CNTNAP2: variants seen among roughly 807,000 people sequenced by gnomAD.
CNTNAP2 encodes the protein contactin associated protein 2.
Under a neutral mutation model 155.2 loss-of-function variants are expected in CNTNAP2, and 98 were observed. The observed-to-expected ratio is 0.63, with a 90% CI of 0.54 to 0.75. CNTNAP2 has a LOEUF of 0.75. Ranked by LOEUF, CNTNAP2 falls within the 30% of genes least tolerant of loss-of-function variation. The pLI, the probability that CNTNAP2 is intolerant of heterozygous loss-of-function variation, is 0.00. For missense variants in CNTNAP2, 1,727 were observed against 1,688.1 expected, an observed-to-expected ratio of 1.02 and a Z score of -0.40; for synonymous variants, 651 against 631.2, an observed-to-expected ratio of 1.03 and a Z score of -0.47.
At chr7:147,933,737 C>T (rs1396958702) in intron 14 of CNTNAP2, among the ~76,000 whole-genome samples, 1 of 152,054 alleles carries the variant, frequency 6.6e-6, no homozygotes, top group Admixed American at 6.5e-5. Flanking sequence ...GTGGTGGGTG[C>T]CTGTAATCCC....
chr7:147,500,828 T>C (rs1258831787), intron 11 of CNTNAP2, among the ~76,000 whole-genome samples: 5 of 152,198 alleles, frequency 3.3e-5, no homozygotes, highest in Admixed American at 3.3e-4. Context: ...GTACATGATA[T>C]TCTTTATGCC....
chr7:148,413,442 A>ATATATATATATG (rs1563079542), intron 23 of CNTNAP2, among the ~76,000 whole-genome samples: 22 of 106,440 alleles, frequency 2.1e-4, no homozygotes, highest in African/African-American at 8.7e-4. Flanking sequence ...ATATATATAT[A>ATATATATATATG]TATATTGCTC....
At chr7:146,478,812 A>G (rs1174548710) in intron 1 of CNTNAP2, among the ~76,000 whole-genome samples, 1 of 152,082 alleles carries the variant, frequency 6.6e-6, no homozygotes, top group Non-Finnish European at 1.5e-5. Flanking sequence ...TGGGGGCTCA[A>G]GTAATTTAGG....
At chr7:146,975,298 C>T (rs958627265) in intron 3 of CNTNAP2, among the ~76,000 whole-genome samples, 4 of 152,002 alleles carry the variant, frequency 2.6e-5, no homozygotes, top group African/African-American at 9.7e-5. Flanking sequence ...AACCCCGTCT[C>T]TACTAAAAAT....
chr7:147,005,179 T>C (rs1281766116), intron 3 of CNTNAP2, among the ~76,000 whole-genome samples: 3 of 152,044 alleles, frequency 2.0e-5, no homozygotes, highest in African/African-American at 7.2e-5. Flanking sequence ...AGGTGTGACA[T>C]AGTTATTTTT....
chr7:146,148,087 T>C (rs1028674018), intron 1 of CNTNAP2, among the ~76,000 whole-genome samples: 1 of 152,138 alleles, frequency 6.6e-6, no homozygotes, highest in African/African-American at 2.4e-5. Flanking sequence ...CAAATTTGTT[T>C]AGTGCAGATT....
At chr7:147,245,546 C>T (rs1210862673) in intron 8 of CNTNAP2, among the ~76,000 whole-genome samples, 1 of 151,830 alleles carries the variant, frequency 6.6e-6, no homozygotes, top group Non-Finnish European at 1.5e-5. Flanking sequence ...AAAATTTCAT[C>T]TTAGAGGCTG....
At chr7:147,194,978 G>C (rs1010540373) in intron 8 of CNTNAP2, among the ~76,000 whole-genome samples, 1 of 152,230 alleles carries the variant, frequency 6.6e-6, no homozygotes, top group East Asian at 1.9e-4. Context: ...TGGCATTTTT[G>C]TCATGAAGTC....
At chr7:147,296,603 A>C (rs1388728956) in intron 8 of CNTNAP2, among the ~76,000 whole-genome samples, 1 of 152,248 alleles carries the variant, frequency 6.6e-6, no homozygotes, top group Non-Finnish European at 1.5e-5. Flanking sequence ...TCAGAAACAG[A>C]ACTTGGACTT....
intron 1 of CNTNAP2, among the ~76,000 whole-genome samples, chr7:146,672,110 G>T (rs1374553312): frequency 6.6e-6 from 1 of 152,012 alleles, no homozygotes; most frequent in Non-Finnish European, 1.5e-5. Context: ...CACTACACCC[G>T]GCTAGTAGTA....
intron 1 of CNTNAP2, among the ~76,000 whole-genome samples, chr7:146,546,314 T>C (rs1304064786): frequency 6.6e-6 from 1 of 151,986 alleles, no homozygotes; most frequent in East Asian, 1.9e-4. Context: ...GATTATTGCG[T>C]GTGGCATTCA....
intron 10 of CNTNAP2, among the ~76,000 whole-genome samples, chr7:147,464,777 T>C (rs1182795905): frequency 3.3e-5 from 5 of 152,190 alleles, no homozygotes; most frequent in Admixed American, 2.6e-4. Context: ...CATAGCAGTG[T>C]GATTTTAACA....
At chr7:146,976,947 G>A (rs896885463) in intron 3 of CNTNAP2, among the ~76,000 whole-genome samples, 2 of 152,052 alleles carry the variant, frequency 1.3e-5, no homozygotes, top group Non-Finnish European at 2.9e-5. Context: ...TTTCTTTGTA[G>A]CCCCCTCCAG....
chr7:148,246,082 C>G (rs1796257597), intron 20 of CNTNAP2, among the ~76,000 whole-genome samples: 1 of 152,218 alleles, frequency 6.6e-6, no homozygotes, highest in African/African-American at 2.4e-5. Context: ...TGAAGTCACT[C>G]TCTATGTAAT....
intron 10 of CNTNAP2, among the ~76,000 whole-genome samples, chr7:147,442,310 C>G (rs905835276): frequency 2.0e-5 from 3 of 152,194 alleles, no homozygotes; most frequent in African/African-American, 7.2e-5. Flanking sequence ...TCAGTGAATA[C>G]TTCCAGCCTA....
intron 17 of CNTNAP2, among the ~76,000 whole-genome samples, chr7:148,165,095 G>T (rs187878290): frequency 7.2e-5 from 11 of 152,228 alleles, no homozygotes; most frequent in Admixed American, 3.3e-4. Flanking sequence ...ACCATAGTCT[G>T]GTGGCTTAAA....
At chr7:147,126,461 G>A (rs889579598) in intron 6 of CNTNAP2, among the ~76,000 whole-genome samples, 1 of 152,064 alleles carries the variant, frequency 6.6e-6, no homozygotes, top group Non-Finnish European at 1.5e-5. Flanking sequence ...TTTTACCAAT[G>A]AGAATTTTAT....
chr7:148,355,769 A>C (rs1467246858), intron 21 of CNTNAP2, among the ~76,000 whole-genome samples: 2 of 152,260 alleles, frequency 1.3e-5, no homozygotes. Flanking sequence ...AAAACAAAGT[A>C]ATAGACTGTA....
intron 8 of CNTNAP2, among the ~76,000 whole-genome samples, chr7:147,269,951 A>C (rs372651426): frequency 6.6e-6 from 1 of 152,178 alleles, no homozygotes; most frequent in Admixed American, 6.5e-5. Flanking sequence ...AGTCCCAGCT[A>C]TTCAGGAGGC....
Sources: allele counts gnomAD v4.1 joint callset (sites outside exome capture counted in the v4.1 genomes callset), GRCh38; gene constraint gnomAD v4.1.1; transcripts MANE v1.5; gene names NCBI Gene and HGNC (gene_info 2026-07-23, HGNC 2026-07-21).